Variants in ZNF33B observed in about 807,000 individuals in gnomAD.
ZNF33B encodes the protein zinc finger protein 33B.
A neutral mutation model predicts 45.8 loss-of-function variants in ZNF33B; 29 were observed. The observed-to-expected ratio is 0.63, with a 90% CI of 0.47 to 0.86. The LOEUF (loss-of-function observed/expected upper bound fraction) is 0.86, where lower values mean the gene tolerates loss of function less well. ZNF33B is among the 40% of genes least tolerant of loss of function. The pLI, the probability that ZNF33B is intolerant of heterozygous loss-of-function variation, is 0.00. For missense variants in ZNF33B, 831 were observed against 909.9 expected (o/e 0.91, Z 1.12); for synonymous variants, 305 against 307.8 (o/e 0.99, Z 0.10).
intron 2 of ZNF33B, among the ~76,000 whole-genome samples, chr10:42,636,494 C>A (rs1331694463): frequency 6.6e-6 from 1 of 152,150 alleles, no homozygotes. Context: ...CTGGGAAGTT[C>A]AATTTTTATC....
chr10:42,591,526 C>A lies in ZNF33B; in HGVS notation c.*1087G>T, dbSNP rs1753288002. On this transcript the variant is annotated 3_prime_UTR_variant, in exon 5 of 5. Transcript: ENST00000359467. Reference sequence around the variant, plus strand: ...AAATTGTTTCAGGACACGACAAACACCTGGGATGGGCCTGATGAAGTAACC... The same window carrying A: ...AAATTGTTTCAGGACACGACAAACAACTGGGATGGGCCTGATGAAGTAACC... 1.1e-5 allele frequency: 4 copies of A among 379,862 alleles called. No homozygotes were observed. In the South Asian group the frequency reaches 4.4e-4, roughly 42 times the overall value. 23.5% of individuals were successfully genotyped at this position (379,862 alleles called of 1,614,324 possible).
At chr10:42,610,040 C>A (rs182698311) in intron 4 of ZNF33B, among the ~76,000 whole-genome samples, 5 of 151,690 alleles carry the variant, frequency 3.3e-5, no homozygotes, top group African/African-American at 1.2e-4. Flanking sequence ...CATCACACAG[C>A]AGATTGTAGT....
chr10:42,615,882 G>A (rs1387447995), intron 4 of ZNF33B, among the ~76,000 whole-genome samples: 1 of 150,540 alleles, frequency 6.6e-6, no homozygotes, highest in African/African-American at 2.5e-5. Context: ...CCGAGATCAC[G>A]CCACTGCACT....
Position 42,636,974 on chromosome 10 carries a change from T to C in ZNF33B, c.-44-2A>G. 1.2e-6 allele frequency: 2 copies of C among 1,613,690 alleles called. No individual in the cohort carries two copies. Among genetic ancestry groups the C allele is most frequent in the Non-Finnish European group, 8.5e-7 (1 of 1,179,866 alleles). On this transcript the variant is annotated splice_acceptor_variant, in intron 1 of 4. Transcript: ENST00000359467. LOFTEE classifies it low-confidence loss of function (5UTR_SPLICE). The stretch of plus-strand genomic sequence containing the variant: ...ACGGAGACAACTCTGAAGATACAGC[T>C]GAGTTGGAAAAAGAGGAATGGGGTC...
intron 2 of ZNF33B, among the ~76,000 whole-genome samples, chr10:42,635,809 C>A (rs867770547): frequency 0.094 from 9,686 of 102,554 alleles, 600 homozygotes; most frequent in African/African-American, 0.2. Context: ...ACTCTGTATC[C>A]AAAAAAAAAA....
chr10:42,629,884 C>G (rs749057945), intron 4 of ZNF33B, among the ~76,000 whole-genome samples: 1 of 152,140 alleles, frequency 6.6e-6, no homozygotes, highest in Admixed American at 6.5e-5. Flanking sequence ...TAAGTTATCA[C>G]AGTCTATCAA....
chr10:42,582,489 G>C (rs190699559), intron 1 of ZNF33B: 12 of 152,546 alleles, frequency 7.9e-5, no homozygotes, highest in Admixed American at 7.8e-4. Flanking sequence ...AAGAGCAAGT[G>C]AGCATGAGAC....
In ZNF33B at chr10:42,594,589, C is replaced by A. The variant is rs181234985; in HGVS notation, c.361G>T (p.Val121Leu). The A allele has an allele frequency of 1.2e-6, 2 of 1,612,664 alleles. No homozygotes were observed. Among genetic ancestry groups the A allele is most frequent in the Admixed American group, 1.7e-5 (1 of 59,792 alleles). Residue 121 changes from valine to leucine, a missense_variant, in exon 5 of 5, where the codon GTA becomes TTA. By Grantham distance (32) the Val-to-Leu change is conservative (BLOSUM62 1). Coordinates refer to ENST00000359467, the MANE Select transcript of ZNF33B (RefSeq NM_006955.3). The stretch of plus-strand genomic sequence containing the variant: ...TCCATGTTAAATGGTATTCCTATTA[C>A]ATTACCTTGTTCCTTAGTCAGCATT... The part of the protein sequence containing the change: ...NEMLTKEQGN[V>L]IGIPFNMDVS...
intron 1 of ZNF33B, among the ~76,000 whole-genome samples, chr10:42,576,136 C>T (rs1188731959): frequency 1.3e-5 from 2 of 151,988 alleles, no homozygotes; most frequent in Non-Finnish European, 2.9e-5. Context: ...CGTGATCCGC[C>T]CGCCTTGGCC....
exon 2 of ZNF33B, chr10:42,574,484 C>T (rs1206455905): frequency 5.3e-5 from 8 of 152,154 alleles, no homozygotes; most frequent in Admixed American, 1.3e-4. Context: ...AGTGAGAAGC[C>T]GCTGAAAACA....
intron 2 of ZNF33B, among the ~76,000 whole-genome samples, chr10:42,635,941 C>T (rs1207483980): frequency 6.6e-6 from 1 of 151,890 alleles, no homozygotes; most frequent in African/African-American, 2.4e-5. Context: ...TCATCCTGGC[C>T]AACATGGTGA....
At chr10:42,628,150 G>A (rs1313232751) in intron 4 of ZNF33B, among the ~76,000 whole-genome samples, 1 of 152,056 alleles carries the variant, frequency 6.6e-6, no homozygotes, top group Non-Finnish European at 1.5e-5. Context: ...TAAGTAGGTG[G>A]GACTACAGGC....
downstream of ZNF33B, among the ~76,000 whole-genome samples, chr10:42,586,548 C>T (rs28404481): frequency 0.11 from 17,067 of 152,196 alleles, 1,161 homozygotes; most frequent in African/African-American, 0.18. Flanking sequence ...GGGCTCAATC[C>T]AACCTTCAGA....
At chr10:42,637,806 C>G (rs1315783770) in intron 1 of ZNF33B, among the ~76,000 whole-genome samples, 2 of 152,094 alleles carry the variant, frequency 1.3e-5, no homozygotes, top group African/African-American at 4.8e-5. Context: ...TCATAGGCCA[C>G]CACGCATGGC....
intron 4 of ZNF33B, among the ~76,000 whole-genome samples, chr10:42,624,368 C>A (rs887000884): frequency 6.6e-6 from 1 of 152,112 alleles, no homozygotes; most frequent in African/African-American, 2.4e-5. Context: ...TATGTTCTAT[C>A]AATGTGTATA....
intron 1 of ZNF33B, among the ~76,000 whole-genome samples, chr10:42,580,362 T>A (rs1446193212): frequency 6.6e-6 from 1 of 151,958 alleles, no homozygotes; most frequent in Non-Finnish European, 1.5e-5. Context: ...TCCCCTACCC[T>A]CCCAAGTAGC....
intron 4 of ZNF33B, among the ~76,000 whole-genome samples, chr10:42,625,380 T>C (rs1285795442): frequency 1.3e-5 from 1 of 75,228 alleles, no homozygotes; most frequent in East Asian, 6.3e-4. Context: ...TATATGTTCA[T>C]TGTTAGTGGA....
intron 1 of ZNF33B, among the ~76,000 whole-genome samples, chr10:42,638,116 T>C (rs1478593636): frequency 1.3e-5 from 2 of 152,248 alleles, no homozygotes; most frequent in Non-Finnish European, 2.9e-5. Flanking sequence ...GGCGGGCGAC[T>C]GCACCCGCCC....
At chr10:42,612,467 A>G (rs1474019578) in intron 4 of ZNF33B, among the ~76,000 whole-genome samples, 1 of 152,020 alleles carries the variant, frequency 6.6e-6, no homozygotes, top group Non-Finnish European at 1.5e-5. Context: ...AACTCCTCAC[A>G]TCAGGTGATC....
Sources: gnomAD v4.1 joint callset for allele counts (sites outside exome capture counted in the v4.1 genomes callset) on GRCh38, gnomAD v4.1.1 for gene constraint, MANE v1.5 for transcripts, NCBI Gene and HGNC (gene_info 2026-07-23, HGNC 2026-07-21) for gene names.